PCDH15: variants seen among roughly 807,000 people sequenced by gnomAD.
PCDH15 encodes protocadherin-15.
PCDH15 carries 129 observed loss-of-function variants against 178.5 expected under a neutral mutation model. The observed-to-expected ratio is 0.72, with a 90% CI of 0.63 to 0.84. The LOEUF (loss-of-function observed/expected upper bound fraction) is 0.84. Among genes scored for constraint, PCDH15 ranks in the 40% least tolerant of loss-of-function variants. The pLI, the probability that PCDH15 is intolerant of heterozygous loss-of-function variation, is 0.00. For synonymous variants in PCDH15, 800 were observed against 732.0 expected, an observed-to-expected ratio of 1.09 and a Z score of -1.50; for missense variants, 2,230 against 2,099.9, an observed-to-expected ratio of 1.06 and a Z score of -1.21.
chr10:55,585,392 T>C (rs746508703), intron 2 of PCDH15, among the ~76,000 whole-genome samples: 8 of 152,092 alleles, frequency 5.3e-5, no homozygotes, highest in Admixed American at 2.0e-4. Flanking sequence ...AGAAATAAAT[T>C]TTCTGGCCGG....
intron 26 of PCDH15, among the ~76,000 whole-genome samples, chr10:53,875,702 G>A (rs920117068): frequency 2.6e-5 from 4 of 152,076 alleles, no homozygotes; most frequent in Admixed American, 1.3e-4. Context: ...TATATTTTAA[G>A]TGAAAGCTTA....
chr10:55,259,172 C>T (rs148283185), intron 1 of PCDH15, among the ~76,000 whole-genome samples: 1 of 152,182 alleles, frequency 6.6e-6, no homozygotes, highest in Non-Finnish European at 1.5e-5. Flanking sequence ...CCTGCTGTAT[C>T]AGTAACAATG....
At chr10:54,160,023 A>G (rs2045552452) in intron 13 of PCDH15, among the ~76,000 whole-genome samples, 1 of 152,150 alleles carries the variant, frequency 6.6e-6, no homozygotes, top group South Asian at 2.1e-4. Context: ...TTTGATATAT[A>G]TGAATTGCCA....
intron 2 of PCDH15, among the ~76,000 whole-genome samples, chr10:55,472,162 C>T (rs931610382): frequency 3.3e-5 from 5 of 152,168 alleles, no homozygotes; most frequent in African/African-American, 1.2e-4. Flanking sequence ...CTGAGATCAT[C>T]TCTGAAATAA....
intron 1 of PCDH15, among the ~76,000 whole-genome samples, chr10:55,287,380 A>G (rs745743069): frequency 6.6e-6 from 1 of 152,070 alleles, no homozygotes; most frequent in Non-Finnish European, 1.5e-5. Context: ...AAATCATTAA[A>G]CTTATATGAG....
intron 9 of PCDH15, among the ~76,000 whole-genome samples, chr10:54,231,928 G>T (rs963531657): frequency 6.6e-6 from 1 of 152,282 alleles, no homozygotes; most frequent in Admixed American, 6.5e-5. Flanking sequence ...ATAGGCGGAA[G>T]GGACTTGCCT....
At chr10:54,277,580 T>G (rs2058421952) in intron 8 of PCDH15, among the ~76,000 whole-genome samples, 1 of 151,676 alleles carries the variant, frequency 6.6e-6, no homozygotes, top group African/African-American at 2.4e-5. Flanking sequence ...ATTATACATA[T>G]TTGTACTAAA....
chr10:54,713,961 A>G (rs2095451384), intron 1 of PCDH15, among the ~76,000 whole-genome samples: 1 of 152,178 alleles, frequency 6.6e-6, no homozygotes, highest in Non-Finnish European at 1.5e-5. Flanking sequence ...ATGTTTATCA[A>G]TGAACCAATA....
intron 1 of PCDH15, among the ~76,000 whole-genome samples, chr10:55,308,052 CT>C (rs1843475983): frequency 6.6e-6 from 1 of 152,004 alleles, no homozygotes; most frequent in African/African-American, 2.4e-5. Flanking sequence ...TTAAAAATTA[CT>C]TTAAAAAGTT....
intron 3 of PCDH15, among the ~76,000 whole-genome samples, chr10:54,841,212 G>T (rs1318590826): frequency 6.6e-6 from 1 of 151,786 alleles, no homozygotes; most frequent in Non-Finnish European, 1.5e-5. Flanking sequence ...GAAATTATAT[G>T]AAGTATGTTT....
chr10:54,022,781 T>C, intron 19 of PCDH15, 111 bp downstream of exon 19: 1 of 1,080,940 alleles, frequency 9.3e-7, no homozygotes, highest in Non-Finnish European at 1.4e-6. Context: ...TTATCTGAAA[T>C]TAAAATCCAA....
At chr10:54,099,729 T>C (rs1441362789) in intron 15 of PCDH15, among the ~76,000 whole-genome samples, 1 of 151,844 alleles carries the variant, frequency 6.6e-6, no homozygotes, top group African/African-American at 2.4e-5. Context: ...ATATATGTAC[T>C]GCTAGAAATG....
Position 54,233,787 on chromosome 10 carries a change from A to C in PCDH15, c.985+3036T>G, listed in dbSNP as rs1304951965. 2.6e-5 allele frequency among the ~76,000 whole-genome samples: 4 copies of C among 152,290 alleles called. No homozygotes were observed. In the East Asian group the frequency reaches 7.7e-4, roughly 29 times the overall value. On this transcript the variant is annotated intron_variant, in intron 9 of 37. Coordinates refer to ENST00000644397, the MANE Select transcript of PCDH15 (RefSeq NM_001384140.1). ...TGCTTTTATCTTTTTAGAATCCCAGAAATATGTTAAACTTTTTAAAACTCC... is the reference window on the plus strand; with the variant it reads ...TGCTTTTATCTTTTTAGAATCCCAGCAATATGTTAAACTTTTTAAAACTCC...
At chr10:53,978,383 G>C (rs1397095082) in intron 21 of PCDH15, among the ~76,000 whole-genome samples, 1 of 152,106 alleles carries the variant, frequency 6.6e-6, no homozygotes, top group Non-Finnish European at 1.5e-5. Flanking sequence ...TGAAGCGATG[G>C]CCTGAACTGT....
chr10:54,664,976 G>A (rs2094547781), intron 1 of PCDH15, among the ~76,000 whole-genome samples: 1 of 150,820 alleles, frequency 6.6e-6, no homozygotes, highest in Non-Finnish European at 1.5e-5. Context: ...ACATGAGAAT[G>A]TCTTATTGAA....
At chr10:55,381,083 C>G (rs561191029) in intron 2 of PCDH15, among the ~76,000 whole-genome samples, 1 of 152,100 alleles carries the variant, frequency 6.6e-6, no homozygotes, top group Admixed American at 6.5e-5. Context: ...GGGACAGAAA[C>G]AATTTTCCCC....
intron 3 of PCDH15, among the ~76,000 whole-genome samples, chr10:54,896,553 A>G (rs1171090188): frequency 6.6e-6 from 1 of 151,844 alleles, no homozygotes; most frequent in African/African-American, 2.4e-5. Context: ...CTAGATTTTT[A>G]CTTGTAATAT....
At chr10:54,893,883 T>C (rs1954505895) in intron 3 of PCDH15, among the ~76,000 whole-genome samples, 1 of 152,090 alleles carries the variant, frequency 6.6e-6, no homozygotes, top group African/African-American at 2.4e-5. Flanking sequence ...AGTTATTAAA[T>C]TCTAGATGAG....
intron 18 of PCDH15, among the ~76,000 whole-genome samples, chr10:54,056,635 G>C (rs1039772956): frequency 1.3e-5 from 2 of 152,054 alleles, no homozygotes; most frequent in Admixed American, 6.5e-5. Context: ...TGAGATTTTC[G>C]ATGAGGACAC....
Sources: allele counts gnomAD v4.1 joint callset (sites outside exome capture counted in the v4.1 genomes callset), GRCh38; gene constraint gnomAD v4.1.1; transcripts MANE v1.5; gene names NCBI Gene and HGNC (gene_info 2026-07-23, HGNC 2026-07-21).